Variants in GUCY1A2 observed in about 807,000 individuals in gnomAD.
The protein encoded by GUCY1A2 is guanylate cyclase soluble subunit alpha-2.
GUCY1A2 carries 27 observed loss-of-function variants against 63.5 expected under a neutral mutation model. The ratio of observed to expected loss-of-function variants is 0.43; its 90% CI spans 0.31 to 0.59. The LOEUF (loss-of-function observed/expected upper bound fraction) is 0.59, where lower values mean the gene tolerates loss of function less well. Ranked by LOEUF, GUCY1A2 falls within the 20% of genes least tolerant of loss-of-function variation. GUCY1A2 has a pLI of 0.11. For missense variants in GUCY1A2, 768 were observed against 913.3 expected, an observed-to-expected ratio of 0.84 and a Z score of 2.05; for synonymous variants, 364 against 343.5, an observed-to-expected ratio of 1.06 and a Z score of -0.66.
intron 6 of GUCY1A2, among the ~76,000 whole-genome samples, chr11:106,759,749 C>T (rs754148140): frequency 1.2e-4 from 18 of 152,148 alleles, no homozygotes; most frequent in African/African-American, 1.2e-4. Flanking sequence ...GCCTGCCCAA[C>T]GTGGCGAAAC....
At chr11:106,931,974 C>A (rs1860608893) in intron 4 of GUCY1A2, among the ~76,000 whole-genome samples, 1 of 151,958 alleles carries the variant, frequency 6.6e-6, no homozygotes, top group East Asian at 1.9e-4. Context: ...CAAGAACAAA[C>A]AGGAAACTAT....
chr11:106,805,397 C>A (rs1858669281), intron 5 of GUCY1A2, among the ~76,000 whole-genome samples: 1 of 152,118 alleles, frequency 6.6e-6, no homozygotes, highest in South Asian at 2.1e-4. Flanking sequence ...AGGCACCCAC[C>A]ACCATGCCTG....
At chr11:106,949,895 A>G (rs1860882545) in intron 3 of GUCY1A2, among the ~76,000 whole-genome samples, 1 of 152,248 alleles carries the variant, frequency 6.6e-6, no homozygotes, top group Admixed American at 6.5e-5. Context: ...AAGAATGAAT[A>G]TAAAACCAAT....
chr11:106,710,241 AT>A (rs1863088260), intron 6 of GUCY1A2, among the ~76,000 whole-genome samples: 1 of 16,084 alleles, frequency 6.2e-5, no homozygotes, highest in Non-Finnish European at 9.2e-5. Context: ...TATATATAAT[AT>A]ATAGTTATAT....
chr11:106,910,915 A>G (rs909266265), intron 4 of GUCY1A2, among the ~76,000 whole-genome samples: 4 of 152,098 alleles, frequency 2.6e-5, no homozygotes, highest in Non-Finnish European at 5.9e-5. Flanking sequence ...CACTTGCACC[A>G]AAACCAGTCC....
At chr11:106,937,243 G>A (rs975708496) in intron 4 of GUCY1A2, among the ~76,000 whole-genome samples, 1 of 152,150 alleles carries the variant, frequency 6.6e-6, no homozygotes, top group African/African-American at 2.4e-5. Context: ...CCACTAACAT[G>A]TTTAAATGAT....
rs1862427598 is a variant in GUCY1A2, at chr11:106,681,246, T to C, written c.*6303A>G. 4.5e-6 allele frequency: 1 copy of C among 220,330 alleles called. No individual in the cohort carries two copies. 13.6% of individuals were successfully genotyped at this position (220,330 alleles called of 1,614,324 possible). ...TTACCAAAAACTTGTGTAGCTATCA[T>C]TGAAAACAGTAATAATGAGCTCTTT... On this transcript the variant is annotated 3_prime_UTR_variant, in exon 8 of 8. Transcript: ENST00000526355.
At chr11:106,787,528 GAGAGAGAA>G (rs556903582) in intron 5 of GUCY1A2, among the ~76,000 whole-genome samples, 333 of 10,356 alleles carry the variant, frequency 0.032, 3 homozygotes, top group African/African-American at 0.1. Flanking sequence ...GAGAGAAAGG[GAGAGAGAA>G]AGAGAGAAAG....
chr11:106,800,655 G>A (rs544006432), intron 5 of GUCY1A2, among the ~76,000 whole-genome samples: 27 of 151,988 alleles, frequency 1.8e-4, no homozygotes, highest in East Asian at 5.8e-4. Context: ...ACCAAACACC[G>A]CATGTTCTCA....
chr11:106,812,309 C>A (rs751952080), intron 4 of GUCY1A2, among the ~76,000 whole-genome samples: 6 of 151,780 alleles, frequency 4.0e-5, no homozygotes, highest in Non-Finnish European at 8.8e-5. Flanking sequence ...TCTCTCTCTT[C>A]ACATTTCTTT....
chr11:106,802,556 T>C (rs903835122), intron 5 of GUCY1A2, among the ~76,000 whole-genome samples: 1 of 152,170 alleles, frequency 6.6e-6, no homozygotes, highest in Non-Finnish European at 1.5e-5. Context: ...TACCTTCTCT[T>C]GGGATTTCAG....
At chr11:106,951,496 T>C (rs1272117260) in intron 3 of GUCY1A2, among the ~76,000 whole-genome samples, 1 of 152,208 alleles carries the variant, frequency 6.6e-6, no homozygotes, top group Non-Finnish European at 1.5e-5. Context: ...TGATCAGTGA[T>C]GTTGAGCTTT....
intron 3 of GUCY1A2, among the ~76,000 whole-genome samples, chr11:106,946,135 T>C (rs964392181): frequency 6.6e-6 from 1 of 152,184 alleles, no homozygotes; most frequent in African/African-American, 2.4e-5. Context: ...AAACCTATTC[T>C]AAAAGTTTCT....
intron 4 of GUCY1A2, among the ~76,000 whole-genome samples, chr11:106,842,418 C>A (rs1591298639): frequency 6.6e-6 from 1 of 151,926 alleles, no homozygotes; most frequent in Non-Finnish European, 1.5e-5. Flanking sequence ...TTCTTTGAGT[C>A]AGTGTTGTAG....
chr11:106,957,117 G>C (rs975871663), intron 3 of GUCY1A2, among the ~76,000 whole-genome samples: 6 of 152,182 alleles, frequency 3.9e-5, no homozygotes, highest in Non-Finnish European at 2.9e-5. Flanking sequence ...GGAGCAAGTC[G>C]TCCAGCCTCC....
At chr11:106,890,254 T>C (rs993275475) in intron 4 of GUCY1A2, among the ~76,000 whole-genome samples, 3 of 152,222 alleles carry the variant, frequency 2.0e-5, no homozygotes, top group African/African-American at 7.2e-5. Flanking sequence ...TAAACGTTTC[T>C]CTAGTCTTAA....
intron 4 of GUCY1A2, among the ~76,000 whole-genome samples, chr11:106,905,019 C>T (rs559890990): frequency 1.3e-5 from 2 of 152,156 alleles, no homozygotes; most frequent in East Asian, 1.9e-4. Context: ...ATTTCATATC[C>T]TGAGTGTCAG....
chr11:106,736,914 C>T (rs1380046557), intron 6 of GUCY1A2, among the ~76,000 whole-genome samples: 2 of 151,674 alleles, frequency 1.3e-5, no homozygotes, highest in Non-Finnish European at 2.9e-5. Flanking sequence ...CAGGTGCTAC[C>T]AGACAGTCTC....
At position 106,939,992 on chromosome 11, in the gene GUCY1A2, A is replaced by G; in HGVS notation, c.674T>C (p.Phe225Ser). 6.2e-7 allele frequency: 1 copy of G among 1,614,074 alleles called. No homozygotes were observed. Among genetic ancestry groups the G allele is most frequent in the Non-Finnish European group, 8.5e-7 (1 of 1,179,970 alleles). ...ACCTTCAGGGAGCTCTTTGCATAGG[A>G]AAGATGGTGACTCCAGAGTGGCCTG... ...GKQATLESPS[F>S]LCKELPEGTL... The change falls in exon 4 of 8, where the codon TTC (phenylalanine) becomes TCC (serine). Residue 225 changes from phenylalanine to serine, a missense_variant. Phe to Ser is a radical substitution (Grantham distance 155, BLOSUM62 -2). Transcript: ENST00000526355.
Sources: gnomAD v4.1 joint callset for allele counts (sites outside exome capture counted in the v4.1 genomes callset) on GRCh38, gnomAD v4.1.1 for gene constraint, MANE v1.5 for transcripts, NCBI Gene and HGNC (gene_info 2026-07-23, HGNC 2026-07-21) for gene names.